Variants in ZC3H18 observed in about 807,000 individuals in gnomAD.
ZC3H18 encodes the protein zinc finger CCCH domain-containing protein 18.
Under a neutral mutation model 106.1 loss-of-function variants are expected in ZC3H18, and 8 were observed. That is an observed-to-expected ratio of 0.08 (90% confidence interval 0.04 to 0.14). The LOEUF (loss-of-function observed/expected upper bound fraction) is 0.14, where lower values mean the gene tolerates loss of function less well. Among genes scored for constraint, ZC3H18 ranks in the 10% least tolerant of loss-of-function variants. The pLI, the probability that ZC3H18 is intolerant of heterozygous loss-of-function variation, is 1.00. For missense variants in ZC3H18, 1,318 were observed against 1,278.4 expected (o/e 1.03, Z -0.47); for synonymous variants, 635 against 522.1 (o/e 1.22, Z -2.95).
chr16:88,592,253 G>A (rs1266225604), intron 3 of ZC3H18, among the ~76,000 whole-genome samples: 2 of 152,072 alleles, frequency 1.3e-5, no homozygotes, highest in Non-Finnish European at 1.5e-5. Flanking sequence ...GTTTTGATCT[G>A]CCTTTCCTGA....
At chr16:88,618,203 A>G (rs1274114386) in intron 8 of ZC3H18, among the ~76,000 whole-genome samples, 1 of 148,256 alleles carries the variant, frequency 6.7e-6, no homozygotes, top group Non-Finnish European at 1.5e-5. Context: ...TTTTTTTTGC[A>G]AAGTGTAAAG....
rs752266576 is a variant in ZC3H18 at position 88,577,635 on chromosome 16, T to G, written c.512T>G (p.Val171Gly). The change falls in exon 2 of 18, where the codon GTT becomes GGT. Residue 171 changes from valine to glycine, a missense_variant. Val to Gly is a moderately radical substitution (Grantham distance 109). This residue lies in a region of ZC3H18 where 346 missense variants were observed against 269.0 expected (regional missense o/e 1.29). Coordinates refer to ENST00000301011, the MANE Select transcript of ZC3H18 (RefSeq NM_144604.4). ...CCCAGGGAGGAGGGGAAGGCTGGTG[T>G]TCAGAGTGTGGGAGAAAAGGAATCC... ...GTPREEGKAG[V>G]QSVGEKESLE... 6.2e-7 allele frequency: 1 copy of G among 1,613,692 alleles called. No homozygotes were observed. Among genetic ancestry groups the G allele is most frequent in the Admixed American group, 1.7e-5 (1 of 59,980 alleles).
At chr16:88,574,612 C>A (rs538355007) in intron 1 of ZC3H18, among the ~76,000 whole-genome samples, 4 of 151,262 alleles carry the variant, frequency 2.6e-5, no homozygotes, top group African/African-American at 9.7e-5. Flanking sequence ...AGGTGATCCT[C>A]CTATCTCAGC....
chr16:88,625,320 A>G, intron 13 of ZC3H18, 53 bp downstream of exon 13: 1 of 1,552,076 alleles, frequency 6.4e-7, no homozygotes, highest in Non-Finnish European at 8.7e-7. Flanking sequence ...GGGGCCAGGA[A>G]GTCCCAGAAG....
intron 3 of ZC3H18, among the ~76,000 whole-genome samples, chr16:88,586,950 C>T (rs1300201692): frequency 6.6e-6 from 1 of 152,114 alleles, no homozygotes; most frequent in Non-Finnish European, 1.5e-5. Flanking sequence ...GGTCCCAGGC[C>T]CTTCCGATCG....
chr16:88,598,765 G>C (rs1352469651), intron 5 of ZC3H18, 53 bp downstream of exon 5: 1 of 1,533,438 alleles, frequency 6.5e-7, no homozygotes, highest in Non-Finnish European at 8.9e-7. Flanking sequence ...TACAGGAGTG[G>C]TTCTTGACAA....
Position 88,577,250 on chromosome 16 carries a change from G to T in ZC3H18, c.127G>T (p.Val43Leu). Residue 43 changes from valine to leucine, a missense_variant, in exon 2 of 18, where the codon GTG (valine) becomes TTG (leucine). Transcript: ENST00000301011. ...CGATCAGGATTTGGACGGGGCGGGG[G>T]TGAGGGCTTCTGATCTGGAGGATGA... ...GSDQDLDGAG[V>L]RASDLEDEES... 3 of 1,613,628 alleles carry T rather than the reference G, an allele frequency of 1.9e-6. No homozygotes were observed. The highest frequency in any genetic ancestry group is 1.7e-6 in the Non-Finnish European group (2 of 1,179,846).
chr16:88,602,111 G>A (rs1904779383), intron 6 of ZC3H18, among the ~76,000 whole-genome samples: 2 of 152,226 alleles, frequency 1.3e-5, no homozygotes, highest in Admixed American at 6.5e-5. Flanking sequence ...GTTGGCAGGA[G>A]TGGGTCCTCT....
At chr16:88,623,608 C>G (rs1012989395) in intron 10 of ZC3H18, 9 of 584,148 alleles carry the variant, frequency 1.5e-5, no homozygotes, top group Non-Finnish European at 2.7e-5. Context: ...CCTCCGCAGA[C>G]AGGCCGAGGA....
At chr16:88,579,337 G>C (rs376777824) in intron 2 of ZC3H18, among the ~76,000 whole-genome samples, 1 of 152,084 alleles carries the variant, frequency 6.6e-6, no homozygotes, top group Admixed American at 6.5e-5. Context: ...TTGTGTCCTG[G>C]GGGTAACAGC....
Position 88,625,207 on chromosome 16 carries a change from C to T in ZC3H18, c.2048C>T (p.Thr683Met), listed in dbSNP as rs764121621. The change falls in exon 13 of 18, where the codon ACG (threonine) becomes ATG (methionine). Residue 683 changes from threonine to methionine, a missense_variant. Physicochemically the swap from Thr to Met is moderately conservative, Grantham distance 81 (BLOSUM62 -1). Around this residue, in one of 6 missense-constraint regions of ZC3H18, gnomAD observed 848 missense variants for 821.7 expected, o/e 1.03. Transcript: ENST00000301011. Reference sequence around the variant, plus strand: ...CGCTGTTGCTTGTATTACAGGCGGACGCTAAGCGGCAGCGGCAGTGGCAGT... The same window carrying T: ...CGCTGTTGCTTGTATTACAGGCGGATGCTAAGCGGCAGCGGCAGTGGCAGT... ...RPARTPPRRR[T>M]LSGSGSGSGS... 1.1e-5 allele frequency: 17 copies of T among 1,588,154 alleles called. No homozygotes were observed. In the East Asian group the frequency reaches 1.4e-4, roughly 13 times the overall value.
chr16:88,628,113 G>A lies in ZC3H18; in HGVS notation c.2463G>A (p.Leu821=), dbSNP rs1390610355. ...VAHKEIKLTL[L]NKAADKGSRK... is the part of the protein sequence containing the mutation. ...ACAAGGAGATCAAGTTGACACTGTT[G>A]AATAAGGTGAGGGCAAGGGCCCTCC... Residue 821 remains leucine (L), a synonymous_variant, in exon 15 of 18, where the codon TTG becomes TTA. Coordinates refer to ENST00000301011, the MANE Select transcript of ZC3H18 (RefSeq NM_144604.4). 1 of 1,613,430 alleles carries A rather than the reference G, an allele frequency of 6.2e-7. No homozygotes were observed. Among genetic ancestry groups the A allele is most frequent in the Non-Finnish European group, 8.5e-7 (1 of 1,179,706 alleles).
intron 5 of ZC3H18, among the ~76,000 whole-genome samples, chr16:88,599,560 A>G (rs915193180): frequency 6.6e-6 from 1 of 152,196 alleles, no homozygotes; most frequent in African/African-American, 2.4e-5. Context: ...TGAACACCTC[A>G]TGTGGGCACA....
At chr16:88,630,962 G>C (rs1404921668) in intron 17 of ZC3H18, 139 bp from the exon 18 acceptor site, 5 of 1,068,512 alleles carry the variant, frequency 4.7e-6, no homozygotes, top group Non-Finnish European at 6.8e-6. Context: ...GTGGCAGTGG[G>C]AGCCTGGCCA....
At chr16:88,599,416 G>T (rs890146093) in intron 5 of ZC3H18, among the ~76,000 whole-genome samples, 2 of 152,158 alleles carry the variant, frequency 1.3e-5, no homozygotes, top group African/African-American at 4.8e-5. Context: ...GCTGGGAAAT[G>T]ACGGACAAGA....
rs1022685134 is a variant in ZC3H18 at position 88,622,087 on chromosome 16, C to A, written c.1476-110C>A. 1.1e-5 allele frequency: 14 copies of A among 1,301,250 alleles called. No individual in the cohort carries two copies. In the African/African-American group the frequency reaches 1.5e-4, roughly 14 times the overall value. The allele number at this position is 1,301,250 out of a possible 1,614,324, so 80.6% of individuals were successfully genotyped here. Reference sequence around the variant, plus strand: ...TAGGACCCTTTGTTTCTCAGGTGATCCTTAAATAAGCCAGGTATGAGATCC... The same window carrying A: ...TAGGACCCTTTGTTTCTCAGGTGATACTTAAATAAGCCAGGTATGAGATCC... On this transcript the variant is annotated intron_variant, in intron 8 of 17. Coordinates refer to ENST00000301011, the MANE Select transcript of ZC3H18 (RefSeq NM_144604.4).
At chr16:88,630,415 C>A in intron 16 of ZC3H18, 70 bp from the exon 17 acceptor site, 1 of 1,272,808 alleles carries the variant, frequency 7.9e-7, no homozygotes, top group Non-Finnish European at 1.1e-6. Context: ...TCCCTGGCAT[C>A]GGTGAGGCCA....
chr16:88,592,985 T>G (rs1915839172), intron 3 of ZC3H18, among the ~76,000 whole-genome samples: 2 of 152,236 alleles, frequency 1.3e-5, no homozygotes, highest in Non-Finnish European at 2.9e-5. Context: ...TCCATGATTA[T>G]ATAAGCATAT....
chr16:88,575,907 T>C (rs376878705), intron 1 of ZC3H18, among the ~76,000 whole-genome samples: 37 of 148,526 alleles, frequency 2.5e-4, no homozygotes, highest in African/African-American at 8.2e-4. Context: ...TGTTTGTTTT[T>C]GTTTTTGTTT....
Sources: allele counts gnomAD v4.1 joint callset (sites outside exome capture counted in the v4.1 genomes callset), GRCh38; gene constraint gnomAD v4.1.1; regional missense constraint gnomAD v4.1.1; transcripts MANE v1.5; gene names NCBI Gene and HGNC (gene_info 2026-07-23, HGNC 2026-07-21).